Variants in ME1 observed in about 807,000 individuals in gnomAD.
ME1 encodes the protein malic enzyme 1, also known as NADP-dependent malic enzyme.
ME1 carries 74 observed loss-of-function variants against 66.4 expected under a neutral mutation model. The ratio of observed to expected loss-of-function variants is 1.11; its 90% CI spans 0.92 to 1.35. The LOEUF (loss-of-function observed/expected upper bound fraction) is 1.35, where lower values mean the gene tolerates loss of function less well. Among genes scored for constraint, ME1 ranks in the 40% most tolerant of loss-of-function variants. The probability of loss-of-function intolerance (pLI) is 0.00; values close to 1 mark genes in which losing one functional copy is unlikely to be tolerated. For missense variants in ME1, 750 were observed against 694.1 expected, an observed-to-expected ratio of 1.08 and a Z score of -0.90; for synonymous variants, 251 against 235.6, an observed-to-expected ratio of 1.07 and a Z score of -0.60.
Position 83,352,143 on chromosome 6 carries a change from C to CAT in ME1, c.363-5_363-4insAT. On this transcript the variant is annotated splice_region_variant and splice_polypyrimidine_tract_variant and intron_variant, in intron 3 of 13. Coordinates refer to ENST00000369705, the MANE Select transcript of ME1 (RefSeq NM_002395.6). ...GTGGATAGTAATAAAGAGACCTCTG[C>CAT]AGAAAAAAAAAAAAAAAAAGGAGTA... 1.1e-5 allele frequency: 11 copies of CAT among 1,009,710 alleles called. No individual in the cohort carries two copies. The highest frequency in any genetic ancestry group is 2.8e-4 in the Middle Eastern group (1 of 3,634). The allele number at this position is 1,009,710 out of a possible 1,614,324, so 62.5% of individuals were successfully genotyped here.
intron 6 of ME1, among the ~76,000 whole-genome samples, chr6:83,286,962 T>C (rs1197099143): frequency 1.3e-5 from 2 of 152,172 alleles, no homozygotes; most frequent in Non-Finnish European, 2.9e-5. Flanking sequence ...TCAATCATGA[T>C]ATTATTAAGC....
chr6:83,351,121 A>C (rs899040539), intron 4 of ME1, among the ~76,000 whole-genome samples: 1 of 152,134 alleles, frequency 6.6e-6, no homozygotes. Context: ...TCACCAAGGC[A>C]TGGTAGCTCA....
chr6:83,323,267 T>C (rs1296560987), intron 5 of ME1, among the ~76,000 whole-genome samples: 1 of 152,098 alleles, frequency 6.6e-6, no homozygotes, highest in East Asian at 1.9e-4. Flanking sequence ...AATAACCAGC[T>C]AGCATAATAA....
At chr6:83,366,840 T>C (rs1314348113) in intron 3 of ME1, among the ~76,000 whole-genome samples, 1 of 152,240 alleles carries the variant, frequency 6.6e-6, no homozygotes, top group Non-Finnish European at 1.5e-5. Context: ...CAAACTCCTG[T>C]TAATATTGAT....
At chr6:83,256,833 C>T (rs998790647) in intron 6 of ME1, among the ~76,000 whole-genome samples, 10 of 152,108 alleles carry the variant, frequency 6.6e-5, no homozygotes, top group Admixed American at 4.6e-4. Context: ...AAATGAGGCA[C>T]ATATATGCCG....
rs767569362 is a variant in ME1 at position 83,223,868 on chromosome 6, T to A, written c.1341A>T (p.Leu447=). 1.7e-5 allele frequency: 27 copies of A among 1,613,906 alleles called. No homozygotes were observed. Among genetic ancestry groups the A allele is most frequent in the Non-Finnish European group, 1.8e-5 (21 of 1,179,966 alleles). ...AGGAATTGTTGCCTTGGCCAGGATA[T>A]AGGGTCTGTCCATTTGGAAGAGTGA... The part of the protein sequence containing the change: ...DPVTLPNGQT[L]YPGQGNNSYV... The change falls in exon 12 of 14, where the codon CTA becomes CTT. Residue 447 remains leucine, a synonymous_variant. Transcript: ENST00000369705.
At chr6:83,281,704 G>A (rs1767291185) in intron 6 of ME1, among the ~76,000 whole-genome samples, 1 of 149,322 alleles carries the variant, frequency 6.7e-6, no homozygotes, top group South Asian at 2.1e-4. Flanking sequence ...TACTCGGGAG[G>A]CTGAGGCATG....
At chr6:83,326,462 A>G (rs1160628409) in intron 5 of ME1, among the ~76,000 whole-genome samples, 1 of 152,198 alleles carries the variant, frequency 6.6e-6, no homozygotes, top group East Asian at 1.9e-4. Flanking sequence ...CAACCTACAG[A>G]ATGGGAGAAA....
At chr6:83,429,769 C>T (rs888928899) in intron 1 of ME1, among the ~76,000 whole-genome samples, 5 of 152,222 alleles carry the variant, frequency 3.3e-5, no homozygotes, top group Admixed American at 3.3e-4. Flanking sequence ...ATATGATCAA[C>T]AAATCATCAG....
Position 83,237,287 on chromosome 6 carries a change from G to A in ME1, c.1026+430C>T, listed in dbSNP as rs376615258. Reference sequence around the variant, plus strand: ...AGAAAGAAAGAAAGAAAGGAAGGAAGGAAGGAAAGAAAGAAAAAGAAAGAA... The same window carrying A: ...AGAAAGAAAGAAAGAAAGGAAGGAAAGAAGGAAAGAAAGAAAAAGAAAGAA... On this transcript the variant is annotated intron_variant, in intron 9 of 13. Transcript: ENST00000369705. Among the ~76,000 whole-genome samples, 340 of 45,824 alleles carry A rather than the reference G, an allele frequency of 7.4e-3. 25 individuals carry two copies. The highest frequency in any genetic ancestry group is 0.023 in the African/African-American group (255 of 11,044). The allele number at this position is 45,824 out of a possible 152,430, so 30.1% of individuals were successfully genotyped here.
intron 6 of ME1, among the ~76,000 whole-genome samples, chr6:83,268,478 A>G (rs1318408256): frequency 2.0e-5 from 3 of 152,094 alleles, no homozygotes; most frequent in African/African-American, 7.2e-5. Flanking sequence ...AATATTCACA[A>G]CATTCCCAAA....
chr6:83,214,561 C>T (rs1235053460), intron 13 of ME1, among the ~76,000 whole-genome samples: 1 of 152,116 alleles, frequency 6.6e-6, no homozygotes, highest in East Asian at 1.9e-4. Flanking sequence ...AAAATCCTGA[C>T]CACTTCTCTT....
chr6:83,280,561 T>G (rs946074049), intron 6 of ME1, among the ~76,000 whole-genome samples: 14 of 152,238 alleles, frequency 9.2e-5, no homozygotes, highest in Non-Finnish European at 1.8e-4. Flanking sequence ...ATTAACTTCT[T>G]ACTTGCAATA....
intron 9 of ME1, among the ~76,000 whole-genome samples, chr6:83,236,955 T>C (rs538656114): frequency 6.6e-6 from 1 of 151,962 alleles, no homozygotes; most frequent in South Asian, 2.1e-4. Context: ...ATCCCAGCAC[T>C]TTGGGAGGCT....
At position 83,424,395 on chromosome 6, in the gene ME1, TA is replaced by T. The variant is rs1179777696; in HGVS notation, c.78+6481del. On this transcript the variant is annotated intron_variant, in intron 1 of 13. Transcript: ENST00000369705. Reference sequence around the variant, plus strand: ...CACAGAATAAATCAAAATGGAATAATAAAAATATTTAAGTAATTAAAAATTA... The same window carrying T: ...CACAGAATAAATCAAAATGGAATAATAAAATATTTAAGTAATTAAAAATTA... 2.6e-5 allele frequency among the ~76,000 whole-genome samples: 4 copies of T among 151,894 alleles called. No homozygotes were observed. The East Asian group carries it at 7.7e-4, about 29-fold the overall frequency.
At chr6:83,243,241 A>AGC (rs1201805868) in intron 7 of ME1, among the ~76,000 whole-genome samples, 1 of 149,608 alleles carries the variant, frequency 6.7e-6, no homozygotes, top group Non-Finnish European at 1.5e-5. Flanking sequence ...ACTCCAGTCC[A>AGC]GCCTGGGCAA....
At chr6:83,392,891 C>T (rs1348112106) in intron 3 of ME1, 16 of 796,412 alleles carry the variant, frequency 2.0e-5, no homozygotes, top group Non-Finnish European at 3.5e-5. Context: ...GCTTAACGCC[C>T]CTGGCCAAGG....
chr6:83,300,610 C>CTTTCTT (rs1767696430), intron 6 of ME1, among the ~76,000 whole-genome samples: 2 of 84,992 alleles, frequency 2.4e-5, no homozygotes, highest in African/African-American at 9.3e-5. Context: ...TTCTTTCTTT[C>CTTTCTT]TTTTTTTTTT....
chr6:83,293,591 C>T (rs1767543213), intron 6 of ME1, among the ~76,000 whole-genome samples: 2 of 151,920 alleles, frequency 1.3e-5, no homozygotes, highest in Non-Finnish European at 2.9e-5. Context: ...AGAGCTTTAA[C>T]CAGAACAAAA....
Sources: allele counts gnomAD v4.1 joint callset (sites outside exome capture counted in the v4.1 genomes callset), GRCh38; gene constraint gnomAD v4.1.1; transcripts MANE v1.5; gene names NCBI Gene and HGNC (gene_info 2026-07-23, HGNC 2026-07-21).